Variants in FSTL5 observed in about 807,000 individuals in gnomAD.
The protein encoded by FSTL5 is follistatin-related protein 5.
Under a neutral mutation model 89.1 loss-of-function variants are expected in FSTL5, and 62 were observed. That is an observed-to-expected ratio of 0.70 (90% CI 0.57 to 0.86). The LOEUF (loss-of-function observed/expected upper bound fraction) is 0.86. Among genes scored for constraint, FSTL5 ranks in the 40% least tolerant of loss-of-function variants. The pLI is 0.00. For synonymous variants in FSTL5, 383 were observed against 346.2 expected (o/e 1.11, Z -1.18); for missense variants, 1,057 against 1,001.6 (o/e 1.06, Z -0.75).
intron 4 of FSTL5, among the ~76,000 whole-genome samples, chr4:161,889,177 G>A (rs975974293): frequency 2.0e-5 from 3 of 152,152 alleles, no homozygotes; most frequent in Middle Eastern, 3.4e-3. Context: ...AGCAATTTAC[G>A]ATCATCCACA....
intron 5 of FSTL5, among the ~76,000 whole-genome samples, chr4:161,770,069 G>T (rs1741155059): frequency 6.6e-6 from 1 of 152,008 alleles, no homozygotes; most frequent in African/African-American, 2.4e-5. Flanking sequence ...CAACAACATG[G>T]ATGGAACTGG....
intron 9 of FSTL5, among the ~76,000 whole-genome samples, chr4:161,542,259 G>A (rs1241662180): frequency 6.6e-6 from 1 of 151,648 alleles, no homozygotes; most frequent in East Asian, 1.9e-4. Flanking sequence ...TAATTCACAG[G>A]ACAAGTATTT....
intron 3 of FSTL5, among the ~76,000 whole-genome samples, chr4:161,936,150 T>A (rs1472195265): frequency 6.6e-6 from 1 of 152,152 alleles, no homozygotes; most frequent in East Asian, 1.9e-4. Flanking sequence ...TTTTACCCAA[T>A]ACAGAGCTTC....
At chr4:161,837,344 A>G (rs975692688) in intron 4 of FSTL5, among the ~76,000 whole-genome samples, 1 of 152,144 alleles carries the variant, frequency 6.6e-6, no homozygotes, top group Non-Finnish European at 1.5e-5. Context: ...TTAGAAAAAA[A>G]CCTATAGACA....
chr4:162,060,938 A>G (rs761334408), intron 2 of FSTL5, among the ~76,000 whole-genome samples: 2 of 152,160 alleles, frequency 1.3e-5, no homozygotes, highest in African/African-American at 4.8e-5. Context: ...CTCAAAATCA[A>G]AATTATGAAT....
At chr4:161,501,974 TA>T (rs948364527) in intron 11 of FSTL5, among the ~76,000 whole-genome samples, 3 of 152,024 alleles carry the variant, frequency 2.0e-5, no homozygotes, top group African/African-American at 7.2e-5. Context: ...AACAAAACCA[TA>T]ATGTGGTGTC....
At chr4:161,598,644 T>A (rs1283842471) in intron 7 of FSTL5, among the ~76,000 whole-genome samples, 1 of 152,066 alleles carries the variant, frequency 6.6e-6, no homozygotes, top group African/African-American at 2.4e-5. Flanking sequence ...AAGAAATAGA[T>A]AAATGACAAG....
intron 4 of FSTL5, among the ~76,000 whole-genome samples, chr4:161,791,436 A>T (rs1729469851): frequency 6.6e-6 from 1 of 152,198 alleles, no homozygotes; most frequent in African/African-American, 2.4e-5. Flanking sequence ...TTTGGCAAAT[A>T]CTTTTTGTAA....
intron 12 of FSTL5, among the ~76,000 whole-genome samples, chr4:161,491,140 C>T (rs1406498924): frequency 3.9e-5 from 6 of 151,930 alleles, no homozygotes; most frequent in Admixed American, 6.6e-5. Flanking sequence ...TTCCAGGCCA[C>T]ATTATCCATT....
chr4:161,859,033 C>A (rs1731817543), intron 4 of FSTL5, among the ~76,000 whole-genome samples: 1 of 152,166 alleles, frequency 6.6e-6, no homozygotes, highest in Non-Finnish European at 1.5e-5. Context: ...CTGGTCAGGT[C>A]TCTCTCCCAT....
intron 2 of FSTL5, among the ~76,000 whole-genome samples, chr4:162,091,149 TTC>T (rs1730534032): frequency 6.6e-6 from 1 of 152,176 alleles, no homozygotes; most frequent in Non-Finnish European, 1.5e-5. Flanking sequence ...TCTTTCAGGT[TTC>T]AGCTAAATTG....
intron 7 of FSTL5, among the ~76,000 whole-genome samples, chr4:161,599,481 C>G (rs1734151332): frequency 6.6e-6 from 1 of 152,052 alleles, no homozygotes; most frequent in African/African-American, 2.4e-5. Context: ...TAATACAATT[C>G]TGGAAATAAC....
chr4:161,556,756 G>T (rs1732405937), intron 8 of FSTL5, among the ~76,000 whole-genome samples: 1 of 150,044 alleles, frequency 6.7e-6, no homozygotes, highest in Non-Finnish European at 1.5e-5. Context: ...AACCCACTAA[G>T]ATTTAGCGGG....
At chr4:161,574,951 T>C (rs958583541) in intron 8 of FSTL5, among the ~76,000 whole-genome samples, 1 of 152,188 alleles carries the variant, frequency 6.6e-6, no homozygotes, top group Non-Finnish European at 1.5e-5. Context: ...AACAACTAAT[T>C]TACACTCCTA....
At chr4:161,460,665 T>G (rs1218468468) in intron 13 of FSTL5, among the ~76,000 whole-genome samples, 1 of 152,216 alleles carries the variant, frequency 6.6e-6, no homozygotes, top group Non-Finnish European at 1.5e-5. Flanking sequence ...CCCTTCATTT[T>G]GCCTATTTAA....
chr4:161,464,610 G>A lies in FSTL5; in HGVS notation c.1609-5291C>T, dbSNP rs115554603. 3.7e-3 allele frequency among the ~76,000 whole-genome samples: 557 copies of A among 152,152 alleles called. 3 individuals are homozygous for A. The highest frequency in any genetic ancestry group is 0.012 in the African/African-American group (504 of 41,508). On this transcript the variant is annotated intron_variant, in intron 13 of 15. Transcript: ENST00000306100. ...TAGATTCTATGCTCCCAGAAGTTAA[G>A]CTTTTTGTGTTTGTTTAGGTCAATG...
chr4:161,614,686 T>C (rs1734776792), intron 7 of FSTL5, among the ~76,000 whole-genome samples: 1 of 152,222 alleles, frequency 6.6e-6, no homozygotes, highest in African/African-American at 2.4e-5. Flanking sequence ...TTTGCAATTA[T>C]ATAATTTACA....
chr4:161,493,303 C>T lies in FSTL5; in HGVS notation c.1458+6713G>A, dbSNP rs114735670. Among the ~76,000 whole-genome samples the T allele has an allele frequency of 7.7e-3, 1,164 of 151,640 alleles. 20 individuals carry two copies. Among genetic ancestry groups the T allele is most frequent in the Non-Finnish European group, 9.9e-3 (668 of 67,770 alleles). ...ATTGTCTCTCATAGAAGAACACGAACAGATAATATTTAATATTGATAATAC... is the reference window on the plus strand; with the variant it reads ...ATTGTCTCTCATAGAAGAACACGAATAGATAATATTTAATATTGATAATAC... On this transcript the variant is annotated intron_variant, in intron 12 of 15. Transcript: ENST00000306100.
chr4:161,658,773 G>A (rs191207387), intron 6 of FSTL5, among the ~76,000 whole-genome samples: 24 of 152,244 alleles, frequency 1.6e-4, no homozygotes, highest in African/African-American at 4.3e-4. Context: ...ACAGTATCAC[G>A]TAAGAATTAT....
Sources: allele counts gnomAD v4.1 joint callset (sites outside exome capture counted in the v4.1 genomes callset), GRCh38; gene constraint gnomAD v4.1.1; transcripts MANE v1.5; gene names NCBI Gene and HGNC (gene_info 2026-07-23, HGNC 2026-07-21).